HIVEP2: variants seen among roughly 807,000 people sequenced by gnomAD.
The protein encoded by HIVEP2 is HIVEP zinc finger 2, also known as transcription factor HIVEP2.
In HIVEP2, 14 loss-of-function variants were observed where a neutral mutation model predicts 180.7. The observed-to-expected ratio is 0.08, with a 90% CI of 0.05 to 0.12. HIVEP2 has a LOEUF of 0.12. Ranked by LOEUF, HIVEP2 falls within the 10% of genes least tolerant of loss-of-function variation. The pLI is 1.00. For synonymous variants in HIVEP2, 1,184 were observed against 1,136.4 expected (o/e 1.04, Z -0.84); for missense variants, 2,579 against 3,008.5 (o/e 0.86, Z 3.34).
intron 1 of HIVEP2, among the ~76,000 whole-genome samples, chr6:142,843,761 C>G (rs1775432105): frequency 1.3e-5 from 2 of 152,130 alleles, no homozygotes; most frequent in Admixed American, 1.3e-4. Flanking sequence ...TTGCCTTAGT[C>G]TTATGCAAAT....
rs755754419 is a variant in HIVEP2 at position 142,759,871 on chromosome 6, G to A, written c.6417C>T (p.Thr2139=). ...LSPRRERRYM[T]TIRAPSPRRA... is the part of the protein sequence containing the mutation. ...TTCTGGGAGATGGCGCTCTTATTGT[G>A]GTCATGTATCTTCTCTCTCTTCTAG... is the stretch of plus-strand genomic sequence containing the variant. Residue 2139 remains threonine (T), a synonymous_variant, in exon 9 of 10, where the codon ACC becomes ACT. Coordinates refer to ENST00000367603, the MANE Select transcript of HIVEP2 (RefSeq NM_006734.4). 2 of 1,613,978 alleles carry A rather than the reference G, an allele frequency of 1.2e-6. No homozygotes were observed. The highest frequency in any genetic ancestry group is 2.7e-5 in the African/African-American group (2 of 74,908).
chr6:142,833,631 G>A (rs1775151047), intron 2 of HIVEP2, among the ~76,000 whole-genome samples: 1 of 152,046 alleles, frequency 6.6e-6, no homozygotes, highest in Admixed American at 6.5e-5. Flanking sequence ...AACGAATGAA[G>A]GTATAACCAG....
chr6:142,824,184 A>C (rs558943256), intron 2 of HIVEP2, among the ~76,000 whole-genome samples: 2 of 152,228 alleles, frequency 1.3e-5, no homozygotes, highest in African/African-American at 2.4e-5. Flanking sequence ...CTTAAAAAGC[A>C]GAGATTTTTA....
chr6:142,798,420 G>C (rs1313221129), intron 2 of HIVEP2, among the ~76,000 whole-genome samples: 1 of 152,098 alleles, frequency 6.6e-6, no homozygotes, highest in Admixed American at 6.6e-5. Context: ...GATAGTTCCT[G>C]TCAAGTTCCC....
intron 1 of HIVEP2, among the ~76,000 whole-genome samples, chr6:142,848,381 G>C (rs1775567620): frequency 6.6e-6 from 1 of 152,136 alleles, no homozygotes; most frequent in African/African-American, 2.4e-5. Context: ...TGGAAGTGTA[G>C]AAGAAATAGG....
At chr6:142,799,991 T>C (rs1776366964) in intron 2 of HIVEP2, among the ~76,000 whole-genome samples, 1 of 152,180 alleles carries the variant, frequency 6.6e-6, no homozygotes, top group Non-Finnish European at 1.5e-5. Context: ...ATTTTTTTCC[T>C]AGCATATTGA....
chr6:142,876,231 T>G (rs189762170), intron 1 of HIVEP2, among the ~76,000 whole-genome samples: 1 of 152,278 alleles, frequency 6.6e-6, no homozygotes, highest in African/African-American at 2.4e-5. Flanking sequence ...AGACAGTTAG[T>G]AAAGATAAAT....
intron 8 of HIVEP2, 101 bp downstream of exon 8, chr6:142,761,363 G>C: frequency 1.6e-6 from 1 of 639,318 alleles, no homozygotes; most frequent in Non-Finnish European, 2.8e-6. Context: ...AATGAAAAGT[G>C]ATCACTTTTT....
At chr6:142,804,734 A>C (rs1221218606) in intron 2 of HIVEP2, among the ~76,000 whole-genome samples, 1 of 152,142 alleles carries the variant, frequency 6.6e-6, no homozygotes, top group African/African-American at 2.4e-5. Flanking sequence ...TAAGGACTCT[A>C]TAGTCATAAT....
chr6:142,843,887 T>C (rs1044828999), intron 1 of HIVEP2, among the ~76,000 whole-genome samples: 2 of 152,198 alleles, frequency 1.3e-5, no homozygotes, highest in Non-Finnish European at 2.9e-5. Flanking sequence ...TTGGTTAACA[T>C]ATGTCTTTAA....
intron 1 of HIVEP2, among the ~76,000 whole-genome samples, chr6:142,857,143 C>T (rs1404708662): frequency 6.6e-6 from 1 of 150,762 alleles, no homozygotes; most frequent in Admixed American, 6.6e-5. Context: ...CACCAACCAG[C>T]GAATGCCAAA....
chr6:142,888,088 T>C (rs983225790), intron 1 of HIVEP2, among the ~76,000 whole-genome samples: 2 of 152,150 alleles, frequency 1.3e-5, no homozygotes, highest in Non-Finnish European at 2.9e-5. Context: ...ATTCAAAAAA[T>C]GGGAAAATAC....
At chr6:142,877,495 A>G (rs1462377244) in intron 1 of HIVEP2, among the ~76,000 whole-genome samples, 1 of 152,208 alleles carries the variant, frequency 6.6e-6, no homozygotes, top group Admixed American at 6.5e-5. Context: ...GAACATTTCC[A>G]TTCAACACTA....
intron 2 of HIVEP2, among the ~76,000 whole-genome samples, chr6:142,812,631 G>A (rs1373601653): frequency 6.6e-6 from 1 of 152,082 alleles, no homozygotes; most frequent in African/African-American, 2.4e-5. Flanking sequence ...GACCTATAAA[G>A]AGGAGAAAAA....
chr6:142,823,005 A>G (rs1777080704), intron 2 of HIVEP2, among the ~76,000 whole-genome samples: 2 of 152,328 alleles, frequency 1.3e-5, no homozygotes, highest in South Asian at 2.1e-4. Flanking sequence ...CCAACTAAGT[A>G]TATCTAGGAT....
At chr6:142,935,057 C>A (rs1778020400) in intron 1 of HIVEP2, among the ~76,000 whole-genome samples, 1 of 152,190 alleles carries the variant, frequency 6.6e-6, no homozygotes, top group South Asian at 2.1e-4. Flanking sequence ...GCTATAAGCT[C>A]CCCTATCCAA....
chr6:142,929,221 G>A (rs767823648), intron 1 of HIVEP2, among the ~76,000 whole-genome samples: 4 of 152,122 alleles, frequency 2.6e-5, no homozygotes, highest in Non-Finnish European at 5.9e-5. Context: ...TACTGCCTAA[G>A]CTCAGTGAAG....
chr6:142,829,559 C>T (rs1019481189), intron 2 of HIVEP2, among the ~76,000 whole-genome samples: 7 of 152,244 alleles, frequency 4.6e-5, no homozygotes, highest in Admixed American at 2.0e-4. Flanking sequence ...TGTACTAGTC[C>T]GATTTCTATT....
chr6:142,774,730 A>C lies in HIVEP2; in HGVS notation c.9T>G (p.Thr3=). The C allele has an allele frequency of 6.2e-7, 1 of 1,613,722 alleles. No individual in the cohort carries two copies. The highest frequency in any genetic ancestry group is 2.2e-5 in the East Asian group (1 of 44,874). Residue 3 remains threonine (T), a synonymous_variant, in exon 5 of 10, where the codon ACT becomes ACG. Transcript: ENST00000367603. The surrounding 1 kb of genome is among the most constrained non-coding windows in gnomAD (Gnocchi z 5.1). MD[T]GDTALGQKAT... is the part of the protein sequence containing the mutation. Reference sequence around the variant, plus strand: ...CTTTTTGTCCTAGAGCTGTGTCCCCAGTGTCCATTTTGTTACACAAGGTCT... The same window carrying C: ...CTTTTTGTCCTAGAGCTGTGTCCCCCGTGTCCATTTTGTTACACAAGGTCT...
Sources: gnomAD v4.1 joint callset for allele counts (sites outside exome capture counted in the v4.1 genomes callset) on GRCh38, gnomAD v4.1.1 for gene constraint, Gnocchi (gnomAD v3.1) non-coding constraint, MANE v1.5 for transcripts, NCBI Gene and HGNC (gene_info 2026-07-23, HGNC 2026-07-21) for gene names.